SHLD1: variants seen among roughly 807,000 people sequenced by gnomAD.
SHLD1 encodes the protein RINN1-REV7-interacting novel NHEJ regulator 3.
In SHLD1, 3 loss-of-function variants were observed where a neutral mutation model predicts 5.5. The ratio of observed to expected loss-of-function variants is 0.54; its 90% CI spans 0.25 to 1.40. The LOEUF (loss-of-function observed/expected upper bound fraction) is 1.40. Ranked by LOEUF, SHLD1 falls within the 40% of genes most tolerant of loss-of-function variation. The pLI is 0.15. For missense variants in SHLD1, 210 were observed against 244.4 expected, an observed-to-expected ratio of 0.86 and a Z score of 0.94; for synonymous variants, 92 against 94.3, an observed-to-expected ratio of 0.98 and a Z score of 0.14.
intron 1 of SHLD1, among the ~76,000 whole-genome samples, chr20:5,770,673 G>A (rs1471927328): frequency 1.3e-5 from 2 of 152,174 alleles, no homozygotes; most frequent in Non-Finnish European, 2.9e-5. Context: ...AACTTGATGA[G>A]TGCTATTGCA....
intron 2 of SHLD1, among the ~76,000 whole-genome samples, chr20:5,824,625 G>GTTTTT (rs34606054): frequency 8.0e-6 from 1 of 125,536 alleles, no homozygotes; most frequent in Non-Finnish European, 1.8e-5. Context: ...GTTGTTGTTT[G>GTTTTT]TTTTTTTTTT....
chr20:5,786,930 C>T (rs1394164660), intron 2 of SHLD1, among the ~76,000 whole-genome samples: 1 of 152,052 alleles, frequency 6.6e-6, no homozygotes, highest in African/African-American at 2.4e-5. Flanking sequence ...GCAGGATCCT[C>T]TCATGTGTGC....
chr20:5,809,225 A>G lies in SHLD1; in HGVS notation c.178+36182A>G, dbSNP rs374137594. 1.7e-4 allele frequency among the ~76,000 whole-genome samples: 26 copies of G among 152,270 alleles called. No individual in the cohort carries two copies. In the South Asian group the frequency reaches 2.3e-3, roughly 13 times the overall value. ...TAAATAGTGGAAAGGATCTTAACGT[A>G]CATGTTTGCACAAAAATAAGAAACT... On this transcript the variant is annotated intron_variant, in intron 2 of 2. Coordinates refer to ENST00000303142, the MANE Select transcript of SHLD1 (RefSeq NM_152504.4).
At chr20:5,831,872 G>A (rs886737752) in intron 2 of SHLD1, among the ~76,000 whole-genome samples, 7 of 152,240 alleles carry the variant, frequency 4.6e-5, no homozygotes, top group Admixed American at 1.3e-4. Flanking sequence ...CTATTTTGTT[G>A]TATTTTTTTT....
At chr20:5,804,856 C>T (rs995628846) in intron 2 of SHLD1, among the ~76,000 whole-genome samples, 1 of 152,196 alleles carries the variant, frequency 6.6e-6, no homozygotes, top group Non-Finnish European at 1.5e-5. Context: ...AAGACTCCAG[C>T]ACTTTGTTTA....
intron 2 of SHLD1, among the ~76,000 whole-genome samples, chr20:5,819,665 T>C (rs1461400540): frequency 1.1e-4 from 17 of 151,898 alleles, no homozygotes; most frequent in Non-Finnish European, 2.9e-5. Flanking sequence ...CTACAAAAAA[T>C]AAAAAAATTA....
chr20:5,816,795 C>A (rs2087535541), intron 2 of SHLD1, among the ~76,000 whole-genome samples: 1 of 152,164 alleles, frequency 6.6e-6, no homozygotes, highest in South Asian at 2.1e-4. Flanking sequence ...ATAGGCTGGG[C>A]GCAGTAGCTC....
intron 2 of SHLD1, among the ~76,000 whole-genome samples, chr20:5,809,413 G>A (rs940017301): frequency 6.6e-6 from 1 of 152,030 alleles, no homozygotes; most frequent in African/African-American, 2.4e-5. Flanking sequence ...ACTGCCAAGT[G>A]TCTGATTAGC....
intron 2 of SHLD1, among the ~76,000 whole-genome samples, chr20:5,805,384 A>G (rs1280399113): frequency 2.6e-5 from 4 of 151,950 alleles, no homozygotes; most frequent in Admixed American, 1.3e-4. Context: ...CTTGAACTCC[A>G]GACCTCAGGT....
chr20:5,823,016 A>G (rs1303050482), intron 2 of SHLD1, among the ~76,000 whole-genome samples: 2 of 56,342 alleles, frequency 3.5e-5, no homozygotes, highest in Admixed American at 4.5e-4. Flanking sequence ...CCACCCCCAT[A>G]TATACTCCAC....
chr20:5,852,446 C>T (rs1262543213), intron 2 of SHLD1, among the ~76,000 whole-genome samples: 4 of 143,764 alleles, frequency 2.8e-5, no homozygotes, highest in Admixed American at 6.8e-5. Context: ...CCTTCCTTCT[C>T]TCTCTCTCTC....
rs758665941 is a variant in SHLD1, at chr20:5,772,985, C to G, written c.120C>G (p.Ser40Arg). 8.1e-6 allele frequency: 13 copies of G among 1,614,152 alleles called. No homozygotes were observed. The East Asian group carries it at 2.9e-4, about 36-fold the overall frequency. Residue 40 changes from serine (S) to arginine (R), a missense_variant, in exon 2 of 3, where the codon AGC becomes AGG. Coordinates refer to ENST00000303142, the MANE Select transcript of SHLD1 (RefSeq NM_152504.4). ...AGGGACCCAGCCAAGAAGCCAACAGCGAGGCTTTCAGTTCTTTGGAATTCC... is the reference window on the plus strand; with the variant it reads ...AGGGACCCAGCCAAGAAGCCAACAGGGAGGCTTTCAGTTCTTTGGAATTCC... Reference protein sequence around the residue: ...VLQGPSQEANSEAFSSLEFHS... With the variant: ...VLQGPSQEANREAFSSLEFHS...
chr20:5,761,578 A>G (rs1984466037), intron 1 of SHLD1, among the ~76,000 whole-genome samples: 1 of 150,704 alleles, frequency 6.6e-6, no homozygotes, highest in Non-Finnish European at 1.5e-5. Flanking sequence ...TGAGCCACAG[A>G]TACTGTGCTA....
chr20:5,825,668 G>T (rs1219355846), intron 2 of SHLD1, among the ~76,000 whole-genome samples: 1 of 151,144 alleles, frequency 6.6e-6, no homozygotes, highest in African/African-American at 2.5e-5. Context: ...TTAAGCCCAG[G>T]AGATCAAGGC....
At chr20:5,813,330 A>G (rs2087485352) in intron 2 of SHLD1, among the ~76,000 whole-genome samples, 1 of 152,128 alleles carries the variant, frequency 6.6e-6, no homozygotes, top group South Asian at 2.1e-4. Flanking sequence ...TCTACTAAAA[A>G]TACAAAAAAA....
chr20:5,832,017 G>C (rs2087734053), intron 2 of SHLD1, among the ~76,000 whole-genome samples: 1 of 152,038 alleles, frequency 6.6e-6, no homozygotes, highest in African/African-American at 2.4e-5. Flanking sequence ...CAGCTGTCTT[G>C]GCAACCTCCG....
At chr20:5,811,711 C>A (rs1440290884) in intron 2 of SHLD1, among the ~76,000 whole-genome samples, 1 of 152,000 alleles carries the variant, frequency 6.6e-6, no homozygotes, top group South Asian at 2.1e-4. Context: ...TAAAAATTAG[C>A]CAGGTGTGGT....
At position 5,824,897 on chromosome 20, in the gene SHLD1, C is replaced by T. The variant is rs533286909; in HGVS notation, c.179-38127C>T. Among the ~76,000 whole-genome samples, 7 of 152,270 alleles carry T rather than the reference C, an allele frequency of 4.6e-5. No individual in the cohort carries two copies. In the East Asian group the frequency reaches 7.7e-4, roughly 17 times the overall value. On this transcript the variant is annotated intron_variant, in intron 2 of 2. Transcript: ENST00000303142. ...ACTTCTGTACGTACTTTGACTGCTA[C>T]GGTCACTCGAAGCTTCCTTTTCAAA...
At chr20:5,817,207 A>G (rs895173851) in intron 2 of SHLD1, among the ~76,000 whole-genome samples, 5 of 152,198 alleles carry the variant, frequency 3.3e-5, no homozygotes, top group Non-Finnish European at 7.3e-5. Flanking sequence ...GATTATAGGT[A>G]ATATTTTCCT....
Sources: gnomAD v4.1 joint callset for allele counts (sites outside exome capture counted in the v4.1 genomes callset) on GRCh38, gnomAD v4.1.1 for gene constraint, MANE v1.5 for transcripts, NCBI Gene and HGNC (gene_info 2026-07-23, HGNC 2026-07-21) for gene names.